DDX10: variants seen among roughly 807,000 people sequenced by gnomAD.
DDX10 encodes probable ATP-dependent RNA helicase DDX10.
DDX10 carries 74 observed loss-of-function variants against 104.3 expected under a neutral mutation model. The ratio of observed to expected loss-of-function variants is 0.71; its 90% confidence interval spans 0.59 to 0.86. DDX10 has a LOEUF of 0.86. Among genes scored for constraint, DDX10 ranks in the 40% least tolerant of loss-of-function variants. The probability of loss-of-function intolerance (pLI) is 0.00; values close to 1 mark genes in which losing one functional copy is unlikely to be tolerated. For missense variants in DDX10, 952 were observed against 1,040.0 expected, an observed-to-expected ratio of 0.92 and a Z score of 1.16; for synonymous variants, 351 against 353.4, an observed-to-expected ratio of 0.99 and a Z score of 0.08.
intron 13 of DDX10, among the ~76,000 whole-genome samples, chr11:108,836,869 A>T (rs1039073629): frequency 4.6e-5 from 7 of 152,126 alleles, no homozygotes; most frequent in Non-Finnish European, 7.4e-5. Flanking sequence ...TTTTGTGTGT[A>T]CTTACTACCA....
chr11:108,673,650 C>A, intron 2 of DDX10, 123 bp downstream of exon 2: 3 of 655,502 alleles, frequency 4.6e-6, no homozygotes, highest in Admixed American at 3.1e-5. Flanking sequence ...TCATGAAAAC[C>A]AATGAAAATA....
intron 1 of DDX10, among the ~76,000 whole-genome samples, chr11:108,668,286 A>G (rs1420865673): frequency 6.6e-6 from 1 of 152,202 alleles, no homozygotes; most frequent in Admixed American, 6.5e-5. Context: ...AAGGAGTTCT[A>G]AGCCAGGTAG....
At chr11:108,859,975 TAC>T (rs1241683741) in intron 16 of DDX10, among the ~76,000 whole-genome samples, 1 of 152,250 alleles carries the variant, frequency 6.6e-6, no homozygotes, top group Non-Finnish European at 1.5e-5. Context: ...TGATATAGTA[TAC>T]AAAAGTCTCT....
At chr11:108,667,719 T>C (rs781298005) in intron 1 of DDX10, among the ~76,000 whole-genome samples, 2 of 152,222 alleles carry the variant, frequency 1.3e-5, no homozygotes, top group African/African-American at 2.4e-5. Context: ...TACTTGATGT[T>C]TCCACTGTGT....
At chr11:108,885,117 T>G (rs1381288828) in intron 16 of DDX10, among the ~76,000 whole-genome samples, 3 of 152,188 alleles carry the variant, frequency 2.0e-5, no homozygotes, top group Non-Finnish European at 4.4e-5. Context: ...TCACATTGTT[T>G]GTTTTTGTTG....
chr11:108,711,712 G>A (rs1276076488), intron 10 of DDX10, among the ~76,000 whole-genome samples: 1 of 152,182 alleles, frequency 6.6e-6, no homozygotes, highest in Non-Finnish European at 1.5e-5. Flanking sequence ...TTGTTAAGAT[G>A]TGTTTTATGG....
rs12283078 is a variant in DDX10 at position 108,689,185 on chromosome 11, C to T, written c.975+123C>T. The T allele has an allele frequency of 7.1e-3, 7,146 of 1,000,246 alleles. 32 individuals are homozygous for T. The highest frequency in any genetic ancestry group is 0.026 in the African/African-American group (1,633 of 62,326). The allele number at this position is 1,000,246 out of a possible 1,614,324, so 62.0% of individuals were successfully genotyped here. A position where few individuals can be genotyped will look rare whatever the true frequency, so the allele number is the denominator to read the frequency against. On this transcript the variant is annotated intron_variant, in intron 7 of 17. Coordinates refer to ENST00000322536, the MANE Select transcript of DDX10 (RefSeq NM_004398.4). ...GTGCTAGGTGTGGTGAGGGATCTTT[C>T]GTGTCCTTGTTGCAAAGGAATCCGT...
chr11:108,716,698 G>T (rs1298013194), intron 11 of DDX10, among the ~76,000 whole-genome samples: 1 of 152,134 alleles, frequency 6.6e-6, no homozygotes, highest in African/African-American at 2.4e-5. Context: ...TTTAACTTAC[G>T]TTTATGACTT....
chr11:108,691,787 G>A (rs1035558246), intron 7 of DDX10, 89 bp from the exon 8 acceptor site: 1 of 1,207,202 alleles, frequency 8.3e-7, no homozygotes, highest in African/African-American at 1.5e-5. Flanking sequence ...TTGCTCTGCT[G>A]TTGAGACTCT....
chr11:108,793,470 G>T (rs1345173554), intron 13 of DDX10, among the ~76,000 whole-genome samples: 1 of 152,080 alleles, frequency 6.6e-6, no homozygotes. Context: ...TGACCCAGGG[G>T]TCTAGTGCCA....
At chr11:108,909,184 C>T (rs1863635172) in intron 16 of DDX10, among the ~76,000 whole-genome samples, 1 of 152,276 alleles carries the variant, frequency 6.6e-6, no homozygotes. Context: ...TAGCCCTATT[C>T]CCCCCACCTC....
chr11:108,888,188 T>C (rs1355796657), intron 16 of DDX10, among the ~76,000 whole-genome samples: 2 of 152,150 alleles, frequency 1.3e-5, no homozygotes, highest in Non-Finnish European at 2.9e-5. Flanking sequence ...TTTATATTAT[T>C]TTTCTGGAGG....
chr11:108,882,742 T>G (rs1467459421), intron 16 of DDX10, among the ~76,000 whole-genome samples: 1 of 152,224 alleles, frequency 6.6e-6, no homozygotes, highest in African/African-American at 2.4e-5. Context: ...GTTAGTACTT[T>G]AGGAAATTAC....
chr11:108,668,870 A>G (rs1251240878), intron 1 of DDX10, among the ~76,000 whole-genome samples: 1 of 152,126 alleles, frequency 6.6e-6, no homozygotes, highest in Admixed American at 6.5e-5. Context: ...TGGTGTAATT[A>G]GGGGAAGTTG....
chr11:108,792,078 T>G (rs754325586), intron 13 of DDX10, among the ~76,000 whole-genome samples: 15 of 152,220 alleles, frequency 9.9e-5, no homozygotes, highest in African/African-American at 1.4e-4. Context: ...TTATATATCA[T>G]TTTTGAAGTT....
intron 1 of DDX10, among the ~76,000 whole-genome samples, chr11:108,665,811 A>C (rs906807018): frequency 1.3e-5 from 2 of 152,184 alleles, no homozygotes; most frequent in Non-Finnish European, 2.9e-5. Flanking sequence ...AGCTAGATCC[A>C]TGTCTTTCTA....
At chr11:108,870,161 A>G (rs557447813) in intron 16 of DDX10, among the ~76,000 whole-genome samples, 93 of 152,296 alleles carry the variant, frequency 6.1e-4, no homozygotes, top group Non-Finnish European at 1.2e-3. Flanking sequence ...TTTATTAAAA[A>G]TAGATCCAGA....
chr11:108,755,694 A>G (rs1026385626), intron 13 of DDX10, among the ~76,000 whole-genome samples: 1 of 152,032 alleles, frequency 6.6e-6, no homozygotes, highest in Non-Finnish European at 1.5e-5. Context: ...TTATGAGACA[A>G]TATAGTGAAA....
intron 13 of DDX10, among the ~76,000 whole-genome samples, chr11:108,742,463 G>A (rs1032829185): frequency 6.8e-6 from 1 of 146,692 alleles, no homozygotes. Flanking sequence ...TACTCAGGAG[G>A]CTGAGGCAGG....
Sources: gnomAD v4.1 joint callset for allele counts (sites outside exome capture counted in the v4.1 genomes callset) on GRCh38, gnomAD v4.1.1 for gene constraint, MANE v1.5 for transcripts, NCBI Gene and HGNC (gene_info 2026-07-23, HGNC 2026-07-21) for gene names.